Variants in TPD52L1 observed in about 807,000 individuals in gnomAD.
TPD52L1 encodes the protein tumor protein D53.
Under a neutral mutation model 28.7 loss-of-function variants are expected in TPD52L1, and 18 were observed. The ratio of observed to expected loss-of-function variants is 0.63; its 90% CI spans 0.43 to 0.93. The LOEUF is 0.93. TPD52L1 is among the 40% of genes least tolerant of loss of function. The probability of loss-of-function intolerance (pLI) is 0.00; values close to 1 mark genes in which losing one functional copy is unlikely to be tolerated. For synonymous variants in TPD52L1, 75 were observed against 88.8 expected (o/e 0.84, Z 0.88); for missense variants, 203 against 254.8 (o/e 0.80, Z 1.39).
chr6:125,254,639 TAGA>T (rs1367397404), intron 5 of TPD52L1, among the ~76,000 whole-genome samples: 1 of 152,178 alleles, frequency 6.6e-6, no homozygotes, highest in Non-Finnish European at 1.5e-5. Flanking sequence ...GAAGGCATTA[TAGA>T]AGGAGTTTAG....
At chr6:125,170,395 A>G (rs549651773) in intron 1 of TPD52L1, among the ~76,000 whole-genome samples, 5 of 149,724 alleles carry the variant, frequency 3.3e-5, no homozygotes, top group African/African-American at 1.2e-4. Flanking sequence ...GCCTAGAAAA[A>G]TAGAAATTTT....
intron 1 of TPD52L1, among the ~76,000 whole-genome samples, chr6:125,172,529 TATATATATATATATATATATATA>T (rs1346841556): frequency 9.4e-5 from 8 of 84,988 alleles, no homozygotes; most frequent in African/African-American, 3.0e-4. Flanking sequence ...TATATATATA[TATATATATATATATATATATATA>T]ATATATATAC....
chr6:125,227,864 A>G (rs1211736379), intron 2 of TPD52L1, among the ~76,000 whole-genome samples: 2 of 152,240 alleles, frequency 1.3e-5, no homozygotes, highest in African/African-American at 4.8e-5. Flanking sequence ...AGTGCTGAAG[A>G]GATCTGCTTT....
At chr6:125,261,674 C>A (rs1442569983) in intron 6 of TPD52L1, 1 of 146,320 alleles carries the variant, frequency 6.8e-6, no homozygotes, top group African/African-American at 2.5e-5. Context: ...GTTTTTTTTC[C>A]TTTTTGTATT....
chr6:125,165,085 G>GATATATATATATAT lies in TPD52L1; in HGVS notation c.19+11116_19+11129dup, dbSNP rs1554201225. Among the ~76,000 whole-genome samples, 26 of 46,770 alleles carry GATATATATATATAT rather than the reference G, an allele frequency of 5.6e-4. 2 individuals carry two copies. The African/African-American group carries it at 6.1e-3, about 11-fold the overall frequency. 30.7% of individuals were successfully genotyped at this position (46,770 alleles called of 152,430 possible). A position where few individuals can be genotyped will look rare whatever the true frequency, so the allele number is the denominator to read the frequency against. The stretch of plus-strand genomic sequence containing the variant: ...CAAAACCCCTGTCTCTTAAAAAAAA[G>GATATATATATATAT]ATATATATATATATTTTAACTGTAT... On this transcript the variant is annotated intron_variant, in intron 1 of 6. Transcript: ENST00000534000.
chr6:125,231,641 G>A (rs1176778229), intron 3 of TPD52L1, among the ~76,000 whole-genome samples: 2 of 151,612 alleles, frequency 1.3e-5, no homozygotes, highest in African/African-American at 4.9e-5. Flanking sequence ...TTGTTTGTTT[G>A]TTTGTTTATA....
intron 1 of TPD52L1, among the ~76,000 whole-genome samples, chr6:125,210,524 T>A (rs1303028938): frequency 6.6e-6 from 1 of 152,218 alleles, no homozygotes; most frequent in Non-Finnish European, 1.5e-5. Flanking sequence ...CCTGTGGGTT[T>A]GTATTTCTCC....
At chr6:125,213,251 A>G (rs1794638503) in intron 1 of TPD52L1, among the ~76,000 whole-genome samples, 1 of 152,186 alleles carries the variant, frequency 6.6e-6, no homozygotes, top group East Asian at 1.9e-4. Context: ...TTCCTTCAGC[A>G]AAGTTATCTT....
intron 1 of TPD52L1, among the ~76,000 whole-genome samples, chr6:125,200,422 A>T (rs1793730996): frequency 6.6e-6 from 1 of 152,202 alleles, no homozygotes; most frequent in South Asian, 2.1e-4. Context: ...GCATGTCCTA[A>T]TTTTTAAATG....
intron 6 of TPD52L1, among the ~76,000 whole-genome samples, chr6:125,257,813 G>A (rs941214203): frequency 2.6e-5 from 4 of 152,102 alleles, no homozygotes; most frequent in African/African-American, 7.2e-5. Flanking sequence ...AATGAAATCA[G>A]TCTAGTCTTA....
At chr6:125,196,072 A>G (rs886899011) in intron 1 of TPD52L1, among the ~76,000 whole-genome samples, 1 of 152,210 alleles carries the variant, frequency 6.6e-6, no homozygotes, top group African/African-American at 2.4e-5. Context: ...CAGTGTCACC[A>G]GTGGGGATTA....
chr6:125,172,603 A>G (rs1201108234), intron 1 of TPD52L1, among the ~76,000 whole-genome samples: 1 of 123,486 alleles, frequency 8.1e-6, no homozygotes, highest in African/African-American at 3.3e-5. Context: ...AATTATATAT[A>G]TAAATATATA....
intron 1 of TPD52L1, among the ~76,000 whole-genome samples, chr6:125,162,938 C>A (rs771971707): frequency 5.3e-5 from 8 of 152,168 alleles, no homozygotes; most frequent in Non-Finnish European, 1.2e-4. Context: ...AAACAGGGAA[C>A]TACGAGTCAG....
intron 1 of TPD52L1, among the ~76,000 whole-genome samples, chr6:125,182,117 G>A (rs1321454271): frequency 6.6e-6 from 1 of 152,184 alleles, no homozygotes; most frequent in Non-Finnish European, 1.5e-5. Flanking sequence ...CACTTGAAAG[G>A]CAGGTAGGTA....
At chr6:125,178,599 C>T (rs779852674) in intron 1 of TPD52L1, among the ~76,000 whole-genome samples, 7 of 151,712 alleles carry the variant, frequency 4.6e-5, no homozygotes, top group South Asian at 4.2e-4. Flanking sequence ...CCCGCCTGGG[C>T]GACAGAGTGA....
At chr6:125,154,809 C>T (rs1388801251) in intron 1 of TPD52L1, among the ~76,000 whole-genome samples, 2 of 152,128 alleles carry the variant, frequency 1.3e-5, no homozygotes, top group Non-Finnish European at 2.9e-5. Flanking sequence ...CAGTGATCTA[C>T]CTTGGGGAGC....
At chr6:125,203,527 A>G in intron 1 of TPD52L1, 3 of 530,136 alleles carry the variant, frequency 5.7e-6, no homozygotes, top group Non-Finnish European at 7.2e-6. Context: ...AAATTGGAGG[A>G]GCTGAGGATA....
At chr6:125,180,569 TACACACACAC>T (rs374673277) in intron 1 of TPD52L1, among the ~76,000 whole-genome samples, 1 of 150,146 alleles carries the variant, frequency 6.7e-6, no homozygotes, top group Non-Finnish European at 1.5e-5. Flanking sequence ...ATATTATATA[TACACACACAC>T]ACACACACAC....
chr6:125,238,598 A>G (rs1033723339), intron 3 of TPD52L1, among the ~76,000 whole-genome samples: 6 of 152,076 alleles, frequency 3.9e-5, no homozygotes, highest in Non-Finnish European at 8.8e-5. Context: ...AAATGAGAAC[A>G]TACAATGTTT....
Sources: gnomAD v4.1 joint callset for allele counts (sites outside exome capture counted in the v4.1 genomes callset) on GRCh38, gnomAD v4.1.1 for gene constraint, MANE v1.5 for transcripts, NCBI Gene and HGNC (gene_info 2026-07-23, HGNC 2026-07-21) for gene names.